FER: variants seen among roughly 807,000 people sequenced by gnomAD.
FER encodes the protein FER tyrosine kinase.
FER carries 63 observed loss-of-function variants against 111.0 expected under a neutral mutation model. The observed-to-expected ratio is 0.57, with a 90% CI of 0.46 to 0.70. The LOEUF is 0.70. Among genes scored for constraint, FER ranks in the 30% least tolerant of loss-of-function variants. The pLI is 0.00. For synonymous variants in FER, 327 were observed against 313.9 expected (o/e 1.04, Z -0.44); for missense variants, 914 against 954.0 (o/e 0.96, Z 0.55).
chr5:109,051,374 G>C, intron 16 of FER: 1 of 1,611,824 alleles, frequency 6.2e-7, no homozygotes, highest in South Asian at 1.1e-5. Context: ...CTGCTTGAAG[G>C]TTGCTGGTCC....
chr5:109,039,595 G>A (rs1414111644), intron 14 of FER, among the ~76,000 whole-genome samples: 1 of 152,088 alleles, frequency 6.6e-6, no homozygotes, highest in Non-Finnish European at 1.5e-5. Context: ...TTTGAATAAA[G>A]ACTTGAAGGA....
At chr5:109,040,686 A>C (rs1224423159) in intron 14 of FER, among the ~76,000 whole-genome samples, 1 of 152,154 alleles carries the variant, frequency 6.6e-6, no homozygotes. Context: ...ATGTGGGGTG[A>C]TAGTTTCAAG....
intron 5 of FER, among the ~76,000 whole-genome samples, chr5:108,852,541 C>A (rs1762634984): frequency 6.6e-6 from 1 of 151,936 alleles, no homozygotes; most frequent in Non-Finnish European, 1.5e-5. Context: ...ATATGGAGGT[C>A]CTTATATTCT....
chr5:109,098,448 T>C (rs1019686711), intron 16 of FER, among the ~76,000 whole-genome samples: 1 of 151,688 alleles, frequency 6.6e-6, no homozygotes, highest in African/African-American at 2.4e-5. Context: ...TTAAATCAAA[T>C]TGCAGAAAAG....
At chr5:108,918,938 C>T (rs776324525) in intron 10 of FER, among the ~76,000 whole-genome samples, 1 of 152,128 alleles carries the variant, frequency 6.6e-6, no homozygotes, top group African/African-American at 2.4e-5. Flanking sequence ...TTGTTTGAGG[C>T]TAGATCTGTA....
chr5:108,839,567 A>ATTTT (rs1761027888), intron 5 of FER, among the ~76,000 whole-genome samples: 1 of 125,788 alleles, frequency 7.9e-6, no homozygotes, highest in Non-Finnish European at 1.7e-5. Flanking sequence ...ACCCCATGCC[A>ATTTT]TTTTCTTTTT....
intron 17 of FER, among the ~76,000 whole-genome samples, chr5:109,162,048 G>A (rs979971137): frequency 2.0e-5 from 3 of 151,970 alleles, no homozygotes; most frequent in Non-Finnish European, 2.9e-5. Flanking sequence ...TATGTATGTT[G>A]TCTTTTGAAA....
chr5:109,013,938 T>C (rs1228335923), intron 13 of FER, among the ~76,000 whole-genome samples: 9 of 152,196 alleles, frequency 5.9e-5, no homozygotes, highest in Non-Finnish European at 1.3e-4. Context: ...TGGTTCTTTT[T>C]TTCTTGTAAA....
At chr5:108,869,042 G>T (rs1764350107) in intron 6 of FER, among the ~76,000 whole-genome samples, 1 of 152,110 alleles carries the variant, frequency 6.6e-6, no homozygotes, top group Non-Finnish European at 1.5e-5. Flanking sequence ...TGAGCAGTAG[G>T]ATATGAATAA....
chr5:108,954,629 A>C (rs1247887277), intron 11 of FER, 100 bp from the exon 12 acceptor site: 2 of 881,786 alleles, frequency 2.3e-6, no homozygotes, highest in East Asian at 5.5e-5. Context: ...AATTAAAGGG[A>C]GGAACATTTG....
intron 5 of FER, among the ~76,000 whole-genome samples, chr5:108,859,323 G>T (rs545588707): frequency 6.6e-6 from 1 of 152,130 alleles, no homozygotes; most frequent in South Asian, 2.1e-4. Flanking sequence ...TAAGCATTCT[G>T]CTGTTTCTTC....
chr5:108,972,162 A>G (rs1760745070), intron 13 of FER, among the ~76,000 whole-genome samples: 1 of 151,916 alleles, frequency 6.6e-6, no homozygotes, highest in South Asian at 2.1e-4. Flanking sequence ...TACAAGGATT[A>G]TTAGTGTTTG....
intron 3 of FER, among the ~76,000 whole-genome samples, chr5:108,806,778 G>C (rs991013855): frequency 4.7e-4 from 72 of 152,154 alleles, no homozygotes; most frequent in Admixed American, 4.5e-3. Flanking sequence ...ATTGTATCTA[G>C]GAAGTAACTA....
At chr5:108,790,212 A>G (rs759188301) in intron 2 of FER, among the ~76,000 whole-genome samples, 4 of 147,158 alleles carry the variant, frequency 2.7e-5, no homozygotes, top group Non-Finnish European at 6.0e-5. Context: ...AAAAAACTGT[A>G]TGTATACATA....
chr5:108,892,868 T>A (rs1168009740), intron 9 of FER, among the ~76,000 whole-genome samples: 2 of 152,188 alleles, frequency 1.3e-5, no homozygotes, highest in Non-Finnish European at 2.9e-5. Context: ...AGGGATCCAG[T>A]TTCAGCTTTC....
At chr5:109,021,809 C>A (rs563203724) in intron 13 of FER, among the ~76,000 whole-genome samples, 1 of 151,844 alleles carries the variant, frequency 6.6e-6, no homozygotes, top group African/African-American at 2.4e-5. Context: ...GCATTTTGTT[C>A]CTAAAAGTTG....
intron 5 of FER, among the ~76,000 whole-genome samples, chr5:108,846,972 T>C (rs1231128921): frequency 6.6e-6 from 1 of 151,992 alleles, no homozygotes; most frequent in African/African-American, 2.4e-5. Context: ...TTTGGTCTTT[T>C]TTCTTCTGTT....
chr5:109,061,527 C>T (rs909133374), intron 16 of FER, among the ~76,000 whole-genome samples: 1 of 152,126 alleles, frequency 6.6e-6, no homozygotes, highest in Non-Finnish European at 1.5e-5. Context: ...TACTCTATTT[C>T]TACTATTGTG....
chr5:109,061,138 A>G (rs981198036), intron 16 of FER, among the ~76,000 whole-genome samples: 1 of 152,160 alleles, frequency 6.6e-6, no homozygotes, highest in Admixed American at 6.5e-5. Context: ...TTTTCTTCAT[A>G]TGTGAAACTG....
Sources: allele counts gnomAD v4.1 joint callset (sites outside exome capture counted in the v4.1 genomes callset), GRCh38; gene constraint gnomAD v4.1.1; transcripts MANE v1.5; gene names NCBI Gene and HGNC (gene_info 2026-07-23, HGNC 2026-07-21).